TCEA3: variants seen among roughly 807,000 people sequenced by gnomAD.
The protein encoded by TCEA3 is transcription elongation factor A protein 3.
In TCEA3, 36 loss-of-function variants were observed where a neutral mutation model predicts 44.0. The ratio of observed to expected loss-of-function variants is 0.82; its 90% CI spans 0.63 to 1.08. TCEA3 has a LOEUF of 1.08. Among genes scored for constraint, TCEA3 ranks in the 50% least tolerant of loss-of-function variants. The probability of loss-of-function intolerance (pLI) is 0.00; values close to 1 mark genes in which losing one functional copy is unlikely to be tolerated. For synonymous variants in TCEA3, 162 were observed against 159.7 expected (o/e 1.01, Z -0.11); for missense variants, 392 against 441.2 (o/e 0.89, Z 1.00).
At chr1:23,405,246 G>GA (rs939335723) in intron 5 of TCEA3, among the ~76,000 whole-genome samples, 8 of 152,136 alleles carry the variant, frequency 5.3e-5, no homozygotes, top group African/African-American at 1.9e-4. Context: ...GAACGGAAGA[G>GA]AAAAATGAAA....
In TCEA3 at chr1:23,397,932, G is replaced by A. The variant is rs552586505; in HGVS notation, c.467C>T (p.Ala156Val). Residue 156 changes from alanine (A) to valine (V), a missense_variant, in exon 6 of 11, where the codon GCG becomes GTG. Transcript: ENST00000450454. ...GCTGCTAGGTGTTTTGGGGCTCTCCGCTTTTGATTTGCTGCTGTTTGATCT... is the reference window on the plus strand; with the variant it reads ...GCTGCTAGGTGTTTTGGGGCTCTCCACTTTTGATTTGCTGCTGTTTGATCT... ...VERSNSSKSK[A>V]ESPKTPSSPL... The A allele has an allele frequency of 2.4e-5, 39 of 1,613,670 alleles. No homozygotes were observed. The East Asian group carries it at 4.9e-4, about 20-fold the overall frequency.
chr1:23,385,084 A>C (rs1638793699), intron 9 of TCEA3, among the ~76,000 whole-genome samples: 1 of 152,040 alleles, frequency 6.6e-6, no homozygotes, highest in East Asian at 1.9e-4. Flanking sequence ...TTAATGTTAC[A>C]TTTTCTCATC....
Position 23,381,159 on chromosome 1 carries a change from C to A in TCEA3, c.*307G>T. The A allele has an allele frequency of 2.8e-6, 1 of 361,932 alleles. No individual in the cohort carries two copies. Among genetic ancestry groups the A allele is most frequent in the Non-Finnish European group, 5.0e-6 (1 of 199,032 alleles). 22.4% of individuals were successfully genotyped at this position (361,932 alleles called of 1,614,324 possible). On this transcript the variant is annotated 3_prime_UTR_variant, in exon 11 of 11. Coordinates refer to ENST00000450454, the MANE Select transcript of TCEA3 (RefSeq NM_003196.3). ...CAAACTTCTGGGGTTAAGCGATTCT[C>A]CCACCTCAGCCTCCCAGAGTTTGCA...
At chr1:23,392,239 A>G (rs1475722606) in intron 8 of TCEA3, among the ~76,000 whole-genome samples, 1 of 151,974 alleles carries the variant, frequency 6.6e-6, no homozygotes, top group Non-Finnish European at 1.5e-5. Flanking sequence ...TACACACACT[A>G]CATAACACAG....
At chr1:23,396,913 G>A (rs1639230857) in intron 7 of TCEA3, among the ~76,000 whole-genome samples, 1 of 151,004 alleles carries the variant, frequency 6.6e-6, no homozygotes, top group Admixed American at 6.6e-5. Flanking sequence ...GCTGAGGCAG[G>A]AGAATCGCTT....
In TCEA3 at chr1:23,408,664, C is replaced by T; in HGVS notation, c.443G>A (p.Arg148Lys). The T allele has an allele frequency of 6.2e-7, 1 of 1,610,944 alleles. No individual in the cohort carries two copies. The highest frequency in any genetic ancestry group is 2.2e-5 in the East Asian group (1 of 44,864). The change falls in exon 5 of 11, where the codon AGA becomes AAA. Residue 148 changes from arginine to lysine, a missense_variant and splice_region_variant. Coordinates refer to ENST00000450454, the MANE Select transcript of TCEA3 (RefSeq NM_003196.3). ...SSSPKRPSVE[R>K]SNSSKSKAES... Reference sequence around the variant, plus strand: ...TGGAGAAAGCTGTGGTTTCCTTTACCTTTCCACCGATGGTCTTTTTGGAGA... The same window carrying T: ...TGGAGAAAGCTGTGGTTTCCTTTACTTTTCCACCGATGGTCTTTTTGGAGA...
At chr1:23,399,297 A>G (rs932772012) in intron 5 of TCEA3, among the ~76,000 whole-genome samples, 8 of 151,710 alleles carry the variant, frequency 5.3e-5, no homozygotes, top group African/African-American at 1.7e-4. Context: ...GAGGCTGGGA[A>G]GCCCAAGATC....
rs573031370 is a variant in TCEA3 at position 23,408,753 on chromosome 1, C to A, written c.381-27G>T. 3.8e-6 allele frequency: 6 copies of A among 1,574,306 alleles called. No individual in the cohort carries two copies. The East Asian group carries it at 1.4e-4, about 36-fold the overall frequency. ...TGAAAGAAGAAAATTGGCAAGGAGACTGCTTTGTAGACTAGCATCAGTACT... is the reference window on the plus strand; with the variant it reads ...TGAAAGAAGAAAATTGGCAAGGAGAATGCTTTGTAGACTAGCATCAGTACT... On this transcript the variant is annotated intron_variant, in intron 4 of 10. Transcript: ENST00000450454.
intron 7 of TCEA3, among the ~76,000 whole-genome samples, chr1:23,396,197 G>A (rs997685242): frequency 3.6e-4 from 55 of 152,078 alleles, no homozygotes; most frequent in African/African-American, 1.2e-3. Flanking sequence ...CTGCAGATTG[G>A]CCCCTGGCTC....
intron 1 of TCEA3, among the ~76,000 whole-genome samples, chr1:23,421,228 G>A (rs904104132): frequency 1.2e-4 from 18 of 152,112 alleles, no homozygotes; most frequent in African/African-American, 2.2e-4. Context: ...TGGCCCTATC[G>A]GGTAGGTCCT....
chr1:23,423,795 A>T, intron 1 of TCEA3: 1 of 455,802 alleles, frequency 2.2e-6, no homozygotes, highest in Non-Finnish European at 4.4e-6. Context: ...TCAAACATTA[A>T]CTTCCAGCTG....
chr1:23,384,492 A>AGTAGGTCCAAATCCCAGAGGTTGGCACT, intron 9 of TCEA3, 75 bp from the exon 10 acceptor site: 1 of 1,499,432 alleles, frequency 6.7e-7, no homozygotes, highest in Non-Finnish European at 9.1e-7. Context: ...TGTCTTTAGG[A>AGTAGGTCCAAATCCCAGAGGTTGGCACT]GTAGGTCCAA....
intron 4 of TCEA3, 72 bp from the exon 5 acceptor site, chr1:23,408,798 A>G (rs1639629203): frequency 6.9e-7 from 1 of 1,442,566 alleles, no homozygotes; most frequent in Admixed American, 2.1e-5. Flanking sequence ...GTGGGGAGAA[A>G]GCATCCTGGG....
At chr1:23,404,095 G>A in intron 5 of TCEA3, 2 of 702,258 alleles carry the variant, frequency 2.8e-6, no homozygotes, top group South Asian at 3.0e-5. Context: ...GGCATCTGGA[G>A]GCCGGGCCCG....
chr1:23,409,145 C>T (rs753550384), intron 4 of TCEA3, among the ~76,000 whole-genome samples: 4 of 152,194 alleles, frequency 2.6e-5, no homozygotes, highest in South Asian at 4.1e-4. Flanking sequence ...TCAGCCTCCC[C>T]GGCAGGCACT....
intron 2 of TCEA3, among the ~76,000 whole-genome samples, chr1:23,418,809 C>CT: frequency 6.6e-6 from 1 of 152,148 alleles, no homozygotes; most frequent in Middle Eastern, 3.4e-3. Context: ...GGCCCAGGGC[C>CT]TTGGGAATTG....
chr1:23,386,246 C>T (rs1266494488), intron 9 of TCEA3, among the ~76,000 whole-genome samples: 1 of 152,132 alleles, frequency 6.6e-6, no homozygotes, highest in Non-Finnish European at 1.5e-5. Flanking sequence ...CATTCTGTCA[C>T]CCAGGCTGGA....
chr1:23,418,898 C>T (rs369597906), intron 2 of TCEA3, among the ~76,000 whole-genome samples, 179 bp downstream of exon 2: 1 of 151,660 alleles, frequency 6.6e-6, no homozygotes, highest in East Asian at 1.9e-4. Context: ...TCTCCGCCCC[C>T]GAGATGCCCC....
Position 23,424,604 on chromosome 1 carries a change from G to A in TCEA3, c.30C>T (p.Ile10=), listed in dbSNP as rs750984290. The change falls in exon 1 of 11, where the codon ATC becomes ATT. Residue 10 remains isoleucine, a synonymous_variant. Transcript: ENST00000450454. MGQEEELLR[I]AKKLEKMVAR... ...CCACCATCTTCTCCAGCTTTTTGGC[G>A]ATCCTCAGCAGCTCCTCTTCCTGGC... The A allele has an allele frequency of 2.5e-6, 4 of 1,608,508 alleles. No individual in the cohort carries two copies. The African/African-American group carries it at 4.0e-5, about 16-fold the overall frequency.
Sources: gnomAD v4.1 joint callset for allele counts (sites outside exome capture counted in the v4.1 genomes callset) on GRCh38, gnomAD v4.1.1 for gene constraint, MANE v1.5 for transcripts, NCBI Gene and HGNC (gene_info 2026-07-23, HGNC 2026-07-21) for gene names.